PROCR: variants seen among roughly 807,000 people sequenced by gnomAD.
The protein encoded by PROCR is endothelial protein C receptor.
Under a neutral mutation model 24.2 loss-of-function variants are expected in PROCR, and 22 were observed. The ratio of observed to expected loss-of-function variants is 0.91; its 90% CI spans 0.65 to 1.30. The LOEUF is 1.30. PROCR is among the 50% of genes most tolerant of loss of function. The pLI, the probability that PROCR is intolerant of heterozygous loss-of-function variation, is 0.00. For synonymous variants in PROCR, 137 were observed against 139.2 expected (o/e 0.98, Z 0.11); for missense variants, 288 against 307.7 (o/e 0.94, Z 0.48).
At chr20:35,215,330 TATTACCAGTTTATATAGAC>T in intron 1 of PROCR, among the ~76,000 whole-genome samples, 1 of 152,346 alleles carries the variant, frequency 6.6e-6, no homozygotes, top group South Asian at 2.1e-4. Context: ...GCTTTTAAAA[TATTACCAGTTTATATAGAC>T]TCATCTCAAA....
intron 1 of PROCR, among the ~76,000 whole-genome samples, chr20:35,196,875 C>A (rs894181612): frequency 1.8e-4 from 27 of 152,140 alleles, no homozygotes; most frequent in African/African-American, 6.5e-4. Flanking sequence ...AAAATTATAA[C>A]ACAGTCTAGG....
chr20:35,191,332 G>T (rs1316198068), intron 1 of PROCR, among the ~76,000 whole-genome samples: 1 of 152,156 alleles, frequency 6.6e-6, no homozygotes, highest in East Asian at 1.9e-4. Context: ...ATAAGAAAAA[G>T]AAAATTATTG....
At chr20:35,179,500 C>T (rs985178799), downstream of PROCR, among the ~76,000 whole-genome samples, 16 of 151,096 alleles carry the variant, frequency 1.1e-4, no homozygotes, top group Admixed American at 2.6e-4. Flanking sequence ...GAGCCATGAT[C>T]GTGCCACCAC....
chr20:35,174,033 C>T (rs1240758213), intron 1 of PROCR, among the ~76,000 whole-genome samples: 3 of 152,146 alleles, frequency 2.0e-5, no homozygotes, highest in African/African-American at 7.2e-5. Context: ...GTCTCAGTTT[C>T]CCATGTAGAC....
At chr20:35,208,483 A>G (rs982937470) in intron 1 of PROCR, among the ~76,000 whole-genome samples, 2 of 152,202 alleles carry the variant, frequency 1.3e-5, no homozygotes, top group African/African-American at 4.8e-5. Context: ...AGAGAAGGAA[A>G]TAGTCTCAGA....
chr20:35,205,777 A>ATATATATATATATATATATG (rs2060337830), intron 1 of PROCR, among the ~76,000 whole-genome samples: 2 of 137,736 alleles, frequency 1.5e-5, no homozygotes, highest in African/African-American at 5.6e-5. Flanking sequence ...ATATATATAT[A>ATATATATATATATATATATG]TATATATATA....
rs190585174 is a variant in PROCR at position 35,176,424 on chromosome 20, T to G, written c.579T>G (p.His193Gln). Residue 193 changes from histidine to glutamine, a missense_variant, in exon 3 of 4, where the codon CAT becomes CAG. His to Gln is a conservative substitution (Grantham distance 24, BLOSUM62 0). Coordinates refer to ENST00000216968, the MANE Select transcript of PROCR (RefSeq NM_006404.5). Reference protein sequence around the residue: ...EDTCVQYVQKHISAENTKGSQ... With the variant: ...EDTCVQYVQKQISAENTKGSQ... ...CCTGTGTGCAGTATGTGCAGAAACA[T>G]ATTTCCGCGGAAAACACGAAAGGTA... 1.9e-6 allele frequency: 3 copies of G among 1,613,806 alleles called. No homozygotes were observed. Among genetic ancestry groups the G allele is most frequent in the Non-Finnish European group, 2.5e-6 (3 of 1,179,958 alleles).
intron 1 of PROCR, among the ~76,000 whole-genome samples, chr20:35,190,237 A>C (rs2086162093): frequency 6.6e-6 from 1 of 152,154 alleles, no homozygotes; most frequent in Admixed American, 6.5e-5. Flanking sequence ...TTAATCTTGC[A>C]TCACACTCAC....
intron 1 of PROCR, among the ~76,000 whole-genome samples, chr20:35,189,329 G>C (rs1331404072): frequency 2.6e-5 from 4 of 152,150 alleles, no homozygotes; most frequent in African/African-American, 9.7e-5. Context: ...ACAGATAAGG[G>C]ATGAAACACA....
intron 3 of PROCR, 81 bp downstream of exon 3, chr20:35,176,527 C>T: frequency 6.2e-7 from 1 of 1,600,450 alleles, no homozygotes; most frequent in Non-Finnish European, 8.5e-7. Context: ...AGGATGGATG[C>T]CTAGAGCAAC....
downstream of PROCR, among the ~76,000 whole-genome samples, chr20:35,179,641 G>A (rs937371726): frequency 5.9e-5 from 9 of 151,980 alleles, no homozygotes; most frequent in African/African-American, 2.4e-5. Flanking sequence ...CTACCTTAAT[G>A]TTCTGTAGAC....
intron 3 of PROCR, 87 bp from the exon 4 acceptor site, chr20:35,176,611 C>G: frequency 6.4e-7 from 1 of 1,570,272 alleles, no homozygotes; most frequent in Non-Finnish European, 8.6e-7. Context: ...TCCCTTTCCT[C>G]TGGGGCAGAA....
intron 1 of PROCR, among the ~76,000 whole-genome samples, chr20:35,203,524 G>A (rs1255959643): frequency 6.6e-6 from 1 of 151,944 alleles, no homozygotes; most frequent in Non-Finnish European, 1.5e-5. Context: ...GGCTGAGGCA[G>A]GAGAATTGCT....
At chr20:35,201,467 C>A (rs1211433838) in intron 1 of PROCR, among the ~76,000 whole-genome samples, 2 of 152,194 alleles carry the variant, frequency 1.3e-5, no homozygotes, top group African/African-American at 4.8e-5. Flanking sequence ...GTGGGCTGAT[C>A]ACCTGAGGTC....
intron 1 of PROCR, among the ~76,000 whole-genome samples, chr20:35,190,860 A>C (rs1187714431): frequency 6.6e-6 from 1 of 151,768 alleles, no homozygotes; most frequent in East Asian, 1.9e-4. Context: ...TGTTCTCCTA[A>C]ATCTTTTCTT....
chr20:35,174,661 C>T, intron 1 of PROCR, 41 bp from the exon 2 acceptor site: 1 of 1,612,594 alleles, frequency 6.2e-7, no homozygotes, highest in Non-Finnish European at 8.5e-7. Flanking sequence ...CCCGCCGCCC[C>T]CTCCCACGCC....
At chr20:35,189,661 C>G (rs1244915419) in intron 1 of PROCR, among the ~76,000 whole-genome samples, 2 of 152,150 alleles carry the variant, frequency 1.3e-5, no homozygotes, top group Non-Finnish European at 2.9e-5. Context: ...ACGGAACCTG[C>G]CGACATGTGA....
chr20:35,201,435 C>A (rs1228112084), intron 1 of PROCR, among the ~76,000 whole-genome samples: 2 of 152,162 alleles, frequency 1.3e-5, no homozygotes, highest in African/African-American at 2.4e-5. Flanking sequence ...CGCCTGCAAT[C>A]CCAGCACTTT....
rs115740460 is a variant in PROCR at position 35,197,365 on chromosome 20, T to C, written c.95-18528T>C. Among the ~76,000 whole-genome samples, 387 of 152,306 alleles carry C rather than the reference T, an allele frequency of 2.5e-3. 1 individual carries two copies. The highest frequency in any genetic ancestry group is 8.9e-3 in the African/African-American group (372 of 41,574). On this transcript the variant is annotated intron_variant, in intron 1 of 1. Coordinates refer to the PROCR transcript ENST00000634509. ...TGTCACAAATCACACCTATATAAGA[T>C]GGCAAACCTATAGTTGATAAATGTA...
Sources: allele counts gnomAD v4.1 joint callset (sites outside exome capture counted in the v4.1 genomes callset), GRCh38; gene constraint gnomAD v4.1.1; transcripts MANE v1.5; gene names NCBI Gene and HGNC (gene_info 2026-07-23, HGNC 2026-07-21).